Variants in CRPPA observed in about 807,000 individuals in gnomAD.
The protein encoded by CRPPA is CDP-L-ribitol pyrophosphorylase A.
CRPPA carries 43 observed loss-of-function variants against 52.0 expected under a neutral mutation model. The observed-to-expected ratio is 0.83, with a 90% CI of 0.65 to 1.07. The LOEUF (loss-of-function observed/expected upper bound fraction) is 1.07, where lower values mean the gene tolerates loss of function less well. CRPPA is among the 50% of genes least tolerant of loss of function. CRPPA has a pLI of 0.00. For missense variants in CRPPA, 629 were observed against 551.7 expected (o/e 1.14, Z -1.40); for synonymous variants, 250 against 203.5 (o/e 1.23, Z -1.94).
intron 9 of CRPPA, among the ~76,000 whole-genome samples, chr7:16,197,239 AGT>A (rs1340455927): frequency 6.6e-6 from 1 of 152,200 alleles, no homozygotes; most frequent in Non-Finnish European, 1.5e-5. Context: ...ACTGTGTACA[AGT>A]ATATGTGATT....
chr7:16,302,296 A>C (rs938597016), intron 4 of CRPPA, among the ~76,000 whole-genome samples: 505 of 18,376 alleles, frequency 0.027, 1 homozygote, highest in Non-Finnish European at 0.044. Context: ...ACTCTGTCTC[A>C]AAAAAAAAAA....
intron 3 of CRPPA, among the ~76,000 whole-genome samples, chr7:16,333,398 G>A (rs1472053390): frequency 2.0e-5 from 3 of 152,084 alleles, no homozygotes; most frequent in Non-Finnish European, 4.4e-5. Flanking sequence ...AAGTTTAAAA[G>A]AACATCTCAA....
At position 16,397,831 on chromosome 7, in the gene CRPPA, C is replaced by T. The variant is rs1046041635; in HGVS notation, c.534+8230G>A. Among the ~76,000 whole-genome samples, 9 of 152,160 alleles carry T rather than the reference C, an allele frequency of 5.9e-5. 1 individual carries two copies. Among genetic ancestry groups the T allele is most frequent in the Admixed American group, 5.2e-4 (8 of 15,288 alleles). ...TTTAACATGTGACTGACGTGATCCA[C>T]AAAGGATCAACACGTAATCATCACG... On this transcript the variant is annotated intron_variant, in intron 2 of 9. Transcript: ENST00000407010.
chr7:16,215,984 C>T lies in CRPPA; in HGVS notation c.1251+82G>A, dbSNP rs1002117310. 3 of 1,072,898 alleles carry T rather than the reference C, an allele frequency of 2.8e-6. No homozygotes were observed. The Admixed American group carries it at 7.6e-5, about 27-fold the overall frequency. The allele number at this position is 1,072,898 out of a possible 1,614,324, so 66.5% of individuals were successfully genotyped here. ...CTGTAATTTCACTTATCAATAATAT[C>T]CTCCTGCTTTTAACAAATCAGATAC... On this transcript the variant is annotated intron_variant, in intron 9 of 9. Transcript: ENST00000407010.
intron 9 of CRPPA, among the ~76,000 whole-genome samples, chr7:16,145,724 CAGA>C (rs1416197522): frequency 1.3e-5 from 2 of 150,318 alleles, no homozygotes; most frequent in Non-Finnish European, 3.0e-5. Context: ...CAGACTCCAG[CAGA>C]AGAAATAATC....
chr7:16,155,542 T>C (rs1193808875), intron 9 of CRPPA, among the ~76,000 whole-genome samples: 2 of 152,226 alleles, frequency 1.3e-5, no homozygotes, highest in African/African-American at 4.8e-5. Flanking sequence ...ATGAAGATGA[T>C]GAGGATAAAG....
chr7:16,397,589 CAG>C (rs1787637118), intron 2 of CRPPA, among the ~76,000 whole-genome samples: 1 of 152,026 alleles, frequency 6.6e-6, no homozygotes, highest in African/African-American at 2.4e-5. Context: ...TGAGACGTGA[CAG>C]ATTACTGACG....
chr7:16,322,039 C>A (rs1785276612), intron 3 of CRPPA, among the ~76,000 whole-genome samples: 1 of 152,096 alleles, frequency 6.6e-6, no homozygotes, highest in Non-Finnish European at 1.5e-5. Context: ...CCTGATGACA[C>A]CTCAATTTTG....
chr7:16,319,666 C>T (rs1189674408), intron 3 of CRPPA, among the ~76,000 whole-genome samples: 1 of 152,128 alleles, frequency 6.6e-6, no homozygotes, highest in Admixed American at 6.6e-5. Flanking sequence ...AAAGCCAAGC[C>T]ACGAAGATAG....
At chr7:16,239,866 A>C (rs1283357125) in intron 8 of CRPPA, among the ~76,000 whole-genome samples, 1 of 152,198 alleles carries the variant, frequency 6.6e-6, no homozygotes, top group Non-Finnish European at 1.5e-5. Flanking sequence ...TGCTTAATCA[A>C]GAAAAATTTA....
At chr7:16,344,173 C>A (rs1007153641) in intron 3 of CRPPA, among the ~76,000 whole-genome samples, 1 of 151,734 alleles carries the variant, frequency 6.6e-6, no homozygotes, top group Non-Finnish European at 1.5e-5. Flanking sequence ...AACAAAAACC[C>A]AAGAGGTATG....
chr7:16,265,763 C>T (rs2074632), intron 6 of CRPPA, among the ~76,000 whole-genome samples: 67 of 152,230 alleles, frequency 4.4e-4, no homozygotes, highest in African/African-American at 1.4e-3. Flanking sequence ...CCAGAATCTA[C>T]GCTAAATACT....
chr7:16,163,618 CTTT>C (rs895497158), intron 9 of CRPPA, among the ~76,000 whole-genome samples: 37 of 152,240 alleles, frequency 2.4e-4, no homozygotes, highest in African/African-American at 8.7e-4. Flanking sequence ...TGTCAATGGT[CTTT>C]ACATTTTGGT....
intron 3 of CRPPA, among the ~76,000 whole-genome samples, chr7:16,325,985 T>C (rs543209606): frequency 6.6e-6 from 1 of 151,836 alleles, no homozygotes; most frequent in African/African-American, 2.4e-5. Context: ...ATAACAATCA[T>C]GGTCTAGTAA....
chr7:16,146,201 A>T (rs998824481), intron 9 of CRPPA, among the ~76,000 whole-genome samples: 3 of 151,372 alleles, frequency 2.0e-5, no homozygotes, highest in Non-Finnish European at 2.9e-5. Flanking sequence ...TAAACCTCCA[A>T]CAAACCAAAA....
chr7:16,377,320 G>A (rs1449202260), intron 2 of CRPPA, among the ~76,000 whole-genome samples: 1 of 152,162 alleles, frequency 6.6e-6, no homozygotes, highest in Non-Finnish European at 1.5e-5. Context: ...TGAAGGGTAG[G>A]TCAACTGGTC....
rs895648123 is a variant in CRPPA at position 16,201,833 on chromosome 7, T to C, written c.1251+14233A>G. On this transcript the variant is annotated intron_variant, in intron 9 of 9. Coordinates refer to ENST00000407010, the MANE Select transcript of CRPPA (RefSeq NM_001101426.4). ...TGTATTATTTGCAAATAATGACTGA[T>C]TTGTTTCTTACTTTCCCATCCTTTA... Among the ~76,000 whole-genome samples the C allele has an allele frequency of 2.6e-5, 4 of 152,184 alleles. No individual in the cohort carries two copies. In the East Asian group the frequency reaches 7.7e-4, roughly 29 times the overall value.
intron 8 of CRPPA, among the ~76,000 whole-genome samples, chr7:16,256,640 A>C (rs1335567712): frequency 1.3e-5 from 2 of 152,182 alleles, no homozygotes; most frequent in African/African-American, 4.8e-5. Context: ...AGAAACCATC[A>C]TTCTCAGCAA....
chr7:16,171,574 G>A (rs1241277764), intron 9 of CRPPA, among the ~76,000 whole-genome samples: 2 of 152,080 alleles, frequency 1.3e-5, no homozygotes, highest in African/African-American at 4.8e-5. Context: ...AGACCATCCT[G>A]GCTAACAAGG....
Sources: allele counts gnomAD v4.1 joint callset (sites outside exome capture counted in the v4.1 genomes callset), GRCh38; gene constraint gnomAD v4.1.1; transcripts MANE v1.5; gene names NCBI Gene and HGNC (gene_info 2026-07-23, HGNC 2026-07-21).